The following DPP10 variants were observed in gnomAD, a reference collection of about 807,000 sequenced individuals.
The protein encoded by DPP10 is inactive dipeptidyl peptidase 10.
In DPP10, 33 loss-of-function variants were observed where a neutral mutation model predicts 120.9. That is an observed-to-expected ratio of 0.27 (90% confidence interval 0.21 to 0.37). DPP10 has a LOEUF of 0.37. Ranked by LOEUF, DPP10 falls within the 10% of genes least tolerant of loss-of-function variation. The probability of loss-of-function intolerance (pLI) is 1.00; values close to 1 mark genes in which losing one functional copy is unlikely to be tolerated. For synonymous variants in DPP10, 337 were observed against 326.1 expected, an observed-to-expected ratio of 1.03 and a Z score of -0.36; for missense variants, 816 against 942.8, an observed-to-expected ratio of 0.87 and a Z score of 1.76.
At position 114,979,198 on chromosome 2, in the gene DPP10, A is replaced by G. The variant is rs147027712; in HGVS notation, c.61-330041A>G. ...TTAAAATGGTAAATATTGTTATCTG[A>G]CTTTATTAAAAATGTTAATCAGGCT... is the stretch of plus-strand genomic sequence containing the variant. On this transcript the variant is annotated intron_variant, in intron 1 of 25. Transcript: ENST00000410059. Among the ~76,000 whole-genome samples, 3 of 152,184 alleles carry G rather than the reference A, an allele frequency of 2.0e-5. No individual in the cohort carries two copies. In the East Asian group the frequency reaches 5.8e-4, roughly 29 times the overall value.
chr2:115,219,266 A>G lies in DPP10; in HGVS notation c.61-89973A>G, dbSNP rs17044189. On this transcript the variant is annotated intron_variant, in intron 1 of 25. Coordinates refer to ENST00000410059, the MANE Select transcript of DPP10 (RefSeq NM_020868.6). ...GAGCAATTTATATTTCTAGACCAAAATTCTCGAAAATGAACAAAATTATAT... is the reference window on the plus strand; with the variant it reads ...GAGCAATTTATATTTCTAGACCAAAGTTCTCGAAAATGAACAAAATTATAT... Among the ~76,000 whole-genome samples, 730 of 152,216 alleles carry G rather than the reference A, an allele frequency of 4.8e-3. 5 individuals carry two copies. Among genetic ancestry groups the G allele is most frequent in the African/African-American group, 0.016 (666 of 41,562 alleles).
intron 1 of DPP10, among the ~76,000 whole-genome samples, chr2:115,218,197 A>G (rs978251731): frequency 1.3e-5 from 2 of 152,170 alleles, no homozygotes; most frequent in Non-Finnish European, 2.9e-5. Flanking sequence ...TATTTTTGCA[A>G]TGGCCTACAT....
chr2:114,507,990 T>TC (rs1223391582), intron 1 of DPP10, among the ~76,000 whole-genome samples: 2 of 152,204 alleles, frequency 1.3e-5, no homozygotes, highest in Non-Finnish European at 2.9e-5. Context: ...CCTCTTTTCT[T>TC]CCTTTTTTCC....
chr2:114,951,763 T>G (rs1697803501), intron 1 of DPP10, among the ~76,000 whole-genome samples: 1 of 152,170 alleles, frequency 6.6e-6, no homozygotes, highest in Admixed American at 6.5e-5. Flanking sequence ...TTTAGCACTC[T>G]TAACTAATTT....
chr2:115,364,753 TCAAA>T (rs1559487942), intron 3 of DPP10, among the ~76,000 whole-genome samples: 2 of 151,992 alleles, frequency 1.3e-5, no homozygotes, highest in African/African-American at 2.4e-5. Flanking sequence ...ATTTTCAGCA[TCAAA>T]CACAGTATCT....
chr2:114,563,042 C>A (rs867851637), intron 1 of DPP10, among the ~76,000 whole-genome samples: 1 of 152,164 alleles, frequency 6.6e-6, no homozygotes, highest in Admixed American at 6.5e-5. Flanking sequence ...ATTAATATGA[C>A]TGTTTTTCAT....
At chr2:115,227,191 C>T (rs1294710909) in intron 1 of DPP10, among the ~76,000 whole-genome samples, 1 of 152,082 alleles carries the variant, frequency 6.6e-6, no homozygotes. Context: ...TTGCATGTAT[C>T]CTTCCCTCTC....
chr2:114,570,765 G>A (rs1375001776), intron 1 of DPP10, among the ~76,000 whole-genome samples: 2 of 150,412 alleles, frequency 1.3e-5, no homozygotes, highest in Non-Finnish European at 3.0e-5. Flanking sequence ...CCCGGGAGGC[G>A]GAGCTTGCAG....
intron 1 of DPP10, among the ~76,000 whole-genome samples, chr2:115,130,046 C>T (rs563013314): frequency 2.2e-4 from 34 of 152,212 alleles, no homozygotes; most frequent in African/African-American, 6.7e-4. Flanking sequence ...CTCACTAAAC[C>T]ATTTTCACAA....
At chr2:114,725,437 C>T (rs1418824451) in intron 1 of DPP10, among the ~76,000 whole-genome samples, 2 of 152,140 alleles carry the variant, frequency 1.3e-5, no homozygotes, top group Non-Finnish European at 2.9e-5. Flanking sequence ...ACCTTCTTAC[C>T]TTTAGCCTTG....
intron 1 of DPP10, among the ~76,000 whole-genome samples, chr2:114,804,675 C>A (rs1245547640): frequency 6.6e-6 from 1 of 152,178 alleles, no homozygotes; most frequent in Admixed American, 6.5e-5. Flanking sequence ...GAATTTCTCC[C>A]ATGGAAACAG....
intron 3 of DPP10, among the ~76,000 whole-genome samples, chr2:115,375,399 A>T (rs1309837865): frequency 6.6e-6 from 1 of 152,176 alleles, no homozygotes; most frequent in African/African-American, 2.4e-5. Flanking sequence ...CTCAGCCTGG[A>T]ATTCATTATC....
intron 1 of DPP10, among the ~76,000 whole-genome samples, chr2:114,669,860 C>A (rs189451730): frequency 5.5e-4 from 83 of 152,112 alleles, no homozygotes; most frequent in Middle Eastern, 3.4e-3. Context: ...GTCAGGGACC[C>A]CATTTAATGT....
chr2:115,441,658 G>C (rs1438715563), intron 3 of DPP10, among the ~76,000 whole-genome samples: 2 of 151,984 alleles, frequency 1.3e-5, no homozygotes, highest in Non-Finnish European at 2.9e-5. Flanking sequence ...AATTATTTGG[G>C]GCTCTGAGTT....
intron 1 of DPP10, among the ~76,000 whole-genome samples, chr2:115,250,554 C>G (rs1247794300): frequency 6.6e-6 from 1 of 152,032 alleles, no homozygotes; most frequent in Admixed American, 6.6e-5. Flanking sequence ...ACTGTGAGGC[C>G]ATGGGATGTG....
intron 1 of DPP10, among the ~76,000 whole-genome samples, chr2:114,844,441 TA>T (rs940157300): frequency 6.6e-6 from 1 of 151,618 alleles, no homozygotes; most frequent in African/African-American, 2.4e-5. Flanking sequence ...ATGGAGGTAT[TA>T]CCAGGTTCTT....
At chr2:115,551,607 G>A (rs935637365) in intron 5 of DPP10, among the ~76,000 whole-genome samples, 1 of 152,136 alleles carries the variant, frequency 6.6e-6, no homozygotes, top group African/African-American at 2.4e-5. Flanking sequence ...CTTATGGACA[G>A]TGAAAGATAA....
At chr2:114,812,264 AG>A (rs1437534944) in intron 1 of DPP10, among the ~76,000 whole-genome samples, 1 of 152,164 alleles carries the variant, frequency 6.6e-6, no homozygotes, top group African/African-American at 2.4e-5. Flanking sequence ...GTATTTTAAA[AG>A]GTTCAGTTTT....
At chr2:115,249,982 C>G (rs1400400525) in intron 1 of DPP10, among the ~76,000 whole-genome samples, 3 of 152,108 alleles carry the variant, frequency 2.0e-5, no homozygotes, top group Non-Finnish European at 4.4e-5. Flanking sequence ...AGTACGCTGA[C>G]CAAACACTGA....
Sources: allele counts gnomAD v4.1 joint callset (sites outside exome capture counted in the v4.1 genomes callset), GRCh38; gene constraint gnomAD v4.1.1; transcripts MANE v1.5; gene names NCBI Gene and HGNC (gene_info 2026-07-23, HGNC 2026-07-21).